The following F2RL1 variants were observed in gnomAD, a reference collection of about 807,000 sequenced individuals.
The protein encoded by F2RL1 is proteinase-activated receptor 2.
Under a neutral mutation model 21.7 loss-of-function variants are expected in F2RL1, and 16 were observed. The ratio of observed to expected loss-of-function variants is 0.74; its 90% confidence interval spans 0.50 to 1.12. The LOEUF is 1.12. Among genes scored for constraint, F2RL1 ranks in the 50% most tolerant of loss-of-function variants. The probability of loss-of-function intolerance (pLI) is 0.00; values close to 1 mark genes in which losing one functional copy is unlikely to be tolerated. For missense variants in F2RL1, 432 were observed against 477.8 expected (o/e 0.90, Z 0.89); for synonymous variants, 181 against 186.7 (o/e 0.97, Z 0.25).
At position 76,833,860 on chromosome 5, in the gene F2RL1, T is replaced by C; in HGVS notation, c.*59T>C. On this transcript the variant is annotated 3_prime_UTR_variant, in exon 2 of 2. Coordinates refer to ENST00000296677, the MANE Select transcript of F2RL1 (RefSeq NM_005242.6). ...AGGATGTGGAACCTGTTTAATGTTA[T>C]GAGGACGTGTCTGTTATTTCCTAAT... The C allele has an allele frequency of 6.5e-7, 1 of 1,534,632 alleles. No individual in the cohort carries two copies. Among genetic ancestry groups the C allele is most frequent in the South Asian group, 1.2e-5 (1 of 81,698 alleles).
chr5:76,832,308 A>G (rs914759931), intron 1 of F2RL1, among the ~76,000 whole-genome samples: 26 of 152,156 alleles, frequency 1.7e-4, no homozygotes, highest in African/African-American at 5.8e-4. Context: ...TTTCATCTAA[A>G]GTACTTTCAT....
At position 76,833,947 on chromosome 5, in the gene F2RL1, C is replaced by T; in HGVS notation, c.*146C>T. On this transcript the variant is annotated 3_prime_UTR_variant, in exon 2 of 2. Transcript: ENST00000296677. ...CCTCTCAGGATTGCTAGGAGCTCCC[C>T]TGTTTGCATGAGAAAAGTAGTCCCC... The T allele has an allele frequency of 1.2e-6, 1 of 803,218 alleles. No homozygotes were observed. The highest frequency in any genetic ancestry group is 1.9e-6 in the Non-Finnish European group (1 of 519,134). The allele number at this position is 803,218 out of a possible 1,614,324, so 49.8% of individuals were successfully genotyped here. A position where few individuals can be genotyped will look rare whatever the true frequency, so the allele number is the denominator to read the frequency against.
At chr5:76,828,501 TA>T (rs34867768) in intron 1 of F2RL1, among the ~76,000 whole-genome samples, 75,517 of 143,974 alleles carry the variant, frequency 0.52, 20,021 homozygotes, top group South Asian at 0.69. Flanking sequence ...TTTTTTTTTT[TA>T]ATATAGAGAC....
intron 1 of F2RL1, among the ~76,000 whole-genome samples, chr5:76,826,245 C>T (rs1750235728): frequency 6.6e-6 from 1 of 152,092 alleles, no homozygotes; most frequent in Non-Finnish European, 1.5e-5. Context: ...CCCCTTTAAA[C>T]TGTACAATTT....
chr5:76,832,610 TG>T, intron 1 of F2RL1, 79 bp from the exon 2 acceptor site: 1 of 1,308,338 alleles, frequency 7.6e-7, no homozygotes. Context: ...AATAAATGAA[TG>T]TACTTTCATT....
Position 76,833,981 on chromosome 5 carries a change from C to CATCAGT in F2RL1, c.*181_*186dup, listed in dbSNP as rs2243065. On this transcript the variant is annotated 3_prime_UTR_variant, in exon 2 of 2. Coordinates refer to ENST00000296677, the MANE Select transcript of F2RL1 (RefSeq NM_005242.6). Reference sequence around the variant, plus strand: ...TGAGAAAAGTAGTCCCCCAAATTAACATCAGTGTCTGTTTCAGAATCTCTC... The same window carrying CATCAGT: ...TGAGAAAAGTAGTCCCCCAAATTAACATCAGTATCAGTGTCTGTTTCAGAATCTCTC... 2,635 of 593,024 alleles carry CATCAGT rather than the reference C, an allele frequency of 4.4e-3. 48 individuals carry two copies. The highest frequency in any genetic ancestry group is 0.04 in the African/African-American group (2,175 of 54,048). The allele number at this position is 593,024 out of a possible 1,614,324, so 36.7% of individuals were successfully genotyped here.
rs551392018 is a variant in F2RL1 at position 76,828,382 on chromosome 5, T to C, written c.83-4308T>C. On this transcript the variant is annotated intron_variant, in intron 1 of 1. Transcript: ENST00000296677. ...AGTATTTTAGAATGTATTAATAAAG[T>C]ATGAGGGATTTCTTTTTCAAATATA... 2.6e-5 allele frequency among the ~76,000 whole-genome samples: 4 copies of C among 152,244 alleles called. No individual in the cohort carries two copies. In the East Asian group the frequency reaches 7.7e-4, roughly 29 times the overall value.
At chr5:76,829,674 G>A (rs1580934745) in intron 1 of F2RL1, among the ~76,000 whole-genome samples, 1 of 152,082 alleles carries the variant, frequency 6.6e-6, no homozygotes, top group Non-Finnish European at 1.5e-5. Flanking sequence ...AAGTTAAGTG[G>A]CCTGTGAAAT....
At chr5:76,827,483 C>T (rs1750265436) in intron 1 of F2RL1, among the ~76,000 whole-genome samples, 2 of 150,660 alleles carry the variant, frequency 1.3e-5, no homozygotes, top group Admixed American at 1.3e-4. Flanking sequence ...TGGGCGACAG[C>T]GAGACTCCGT....
Position 76,833,312 on chromosome 5 carries a change from G to A in F2RL1, c.705G>A (p.Leu235=). The part of the protein sequence containing the change: ...TCHDVLPEQL[L]VGDMFNYFLS... ...ATGATGTTTTGCCTGAGCAGCTCTT[G>A]GTGGGAGACATGTTCAATTACTTCC... is the stretch of plus-strand genomic sequence containing the variant. The change falls in exon 2 of 2, where the codon TTG becomes TTA. Residue 235 remains leucine, a synonymous_variant. Transcript: ENST00000296677. 6.2e-7 allele frequency: 1 copy of A among 1,613,962 alleles called. No individual in the cohort carries two copies. The highest frequency in any genetic ancestry group is 1.3e-5 in the African/African-American group (1 of 74,968).
chr5:76,820,852 TC>T (rs1750119899), intron 1 of F2RL1, among the ~76,000 whole-genome samples: 1 of 152,038 alleles, frequency 6.6e-6, no homozygotes, highest in South Asian at 2.1e-4. Context: ...TTCCTCATCC[TC>T]CCCCCACCAT....
In F2RL1 at chr5:76,832,774, A is replaced by C. The variant is rs1392784650; in HGVS notation, c.167A>C (p.Glu56Ala). The C allele has an allele frequency of 6.2e-7, 1 of 1,614,134 alleles. No homozygotes were observed. The highest frequency in any genetic ancestry group is 8.5e-7 in the Non-Finnish European group (1 of 1,180,050). The change falls in exon 2 of 2, where the codon GAA (glutamate) becomes GCA (alanine). Residue 56 changes from glutamate (E) to alanine (A), a missense_variant. Physicochemically the swap from Glu to Ala is moderately radical, Grantham distance 107. Transcript: ENST00000296677. ...SHVTGKGVTV[E>A]TVFSVDEFSA... is the part of the protein sequence containing the mutation. ...GTCACTGGAAAAGGAGTTACAGTTG[A>C]AACAGTCTTTTCTGTGGATGAGTTT... is the stretch of plus-strand genomic sequence containing the variant.
chr5:76,827,325 CAAAAAAAAAAAAA>C (rs764040748), intron 1 of F2RL1, among the ~76,000 whole-genome samples: 2 of 87,602 alleles, frequency 2.3e-5, no homozygotes, highest in Non-Finnish European at 4.3e-5. Context: ...ACTAAAAATA[CAAAAAAAAAAAAA>C]AAAAAAAAAA....
At position 76,834,810 on chromosome 5, in the gene F2RL1, G is replaced by A. The variant is rs909532964; in HGVS notation, c.*1009G>A. ...TGCTGCTTCCATTTGACAAAGTGCCGTGATAATTTTTGAAAAGAGAAGCAA... is the reference window on the plus strand; with the variant it reads ...TGCTGCTTCCATTTGACAAAGTGCCATGATAATTTTTGAAAAGAGAAGCAA... On this transcript the variant is annotated 3_prime_UTR_variant, in exon 2 of 2. Transcript: ENST00000296677. The A allele has an allele frequency of 1.8e-4, 27 of 152,184 alleles. No individual in the cohort carries two copies. The highest frequency in any genetic ancestry group is 4.8e-4 in the African/African-American group (20 of 41,422). The allele number at this position is 152,184 out of a possible 1,614,324, so 9.4% of individuals were successfully genotyped here. A position where few individuals can be genotyped will look rare whatever the true frequency, so the allele number is the denominator to read the frequency against.
At chr5:76,827,159 G>T (rs1042994102) in intron 1 of F2RL1, among the ~76,000 whole-genome samples, 3 of 151,336 alleles carry the variant, frequency 2.0e-5, no homozygotes, top group Non-Finnish European at 4.4e-5. Context: ...CCCACTTGTT[G>T]ACTGTGGGCT....
Position 76,834,516 on chromosome 5 carries a change from T to C in F2RL1, c.*715T>C, listed in dbSNP as rs371907637. On this transcript the variant is annotated 3_prime_UTR_variant, in exon 2 of 2. Coordinates refer to ENST00000296677, the MANE Select transcript of F2RL1 (RefSeq NM_005242.6). The stretch of plus-strand genomic sequence containing the variant: ...AAGTTAACCAGGTGTGTGGTGCACG[T>C]TTGTAATCCCAGTTACTCAGGAGGC... 169 of 152,208 alleles carry C rather than the reference T, an allele frequency of 1.1e-3. No individual in the cohort carries two copies. The highest frequency in any genetic ancestry group is 4.0e-3 in the African/African-American group (165 of 41,538). The allele number at this position is 152,208 out of a possible 1,614,324, so 9.4% of individuals were successfully genotyped here.
At chr5:76,820,048 C>T (rs1461467890) in intron 1 of F2RL1, among the ~76,000 whole-genome samples, 1 of 152,202 alleles carries the variant, frequency 6.6e-6, no homozygotes, top group East Asian at 1.9e-4. Flanking sequence ...GGTTCCGGGA[C>T]TTTCCTAGTG....
chr5:76,826,005 C>T (rs1412839041), intron 1 of F2RL1, among the ~76,000 whole-genome samples: 1 of 152,052 alleles, frequency 6.6e-6, no homozygotes, highest in African/African-American at 2.4e-5. Flanking sequence ...GAATTTTAAT[C>T]TTATAGAAAT....
chr5:76,820,401 G>A (rs1179601331), intron 1 of F2RL1, among the ~76,000 whole-genome samples: 1 of 152,170 alleles, frequency 6.6e-6, no homozygotes, highest in Non-Finnish European at 1.5e-5. Context: ...GCAAGTCACA[G>A]TGGGTTGGAA....
Sources: allele counts gnomAD v4.1 joint callset (sites outside exome capture counted in the v4.1 genomes callset), GRCh38; gene constraint gnomAD v4.1.1; transcripts MANE v1.5; gene names NCBI Gene and HGNC (gene_info 2026-07-23, HGNC 2026-07-21).